The following POLE variants were observed in gnomAD, a reference collection of about 807,000 sequenced individuals.
POLE encodes the protein DNA polymerase epsilon, catalytic subunit, also known as DNA polymerase epsilon catalytic subunit A.
Under a neutral mutation model 279.2 loss-of-function variants are expected in POLE, and 188 were observed. The ratio of observed to expected loss-of-function variants is 0.67; its 90% CI spans 0.60 to 0.76. The LOEUF (loss-of-function observed/expected upper bound fraction) is 0.76, where lower values mean the gene tolerates loss of function less well. Among genes scored for constraint, POLE ranks in the 30% least tolerant of loss-of-function variants. The pLI, the probability that POLE is intolerant of heterozygous loss-of-function variation, is 0.00. For missense variants in POLE, 2,703 were observed against 3,016.7 expected (o/e 0.90, Z 2.44); for synonymous variants, 1,214 against 1,172.5 (o/e 1.04, Z -0.72).
chr12:132,648,875 A>G (rs774617238), intron 32 of POLE, 54 bp downstream of exon 32: 3 of 1,563,398 alleles, frequency 1.9e-6, no homozygotes, highest in Non-Finnish European at 2.6e-6. Flanking sequence ...GATCATGGGA[A>G]AGCCACCTCA....
rs767933490 is a variant in POLE at position 132,672,236 on chromosome 12, C to T, written c.1773G>A (p.Glu591=). 5.6e-6 allele frequency: 9 copies of T among 1,614,000 alleles called. No homozygotes were observed. The highest frequency in any genetic ancestry group is 1.7e-4 in the Middle Eastern group (1 of 6,060). ...ALEEEEKVPV[E]QVTNFEEVCD... ...TTACCTCTTCAAAGTTGGTGACTTG[C>T]TCCACAGGCACTTTCTCCTCTTCCT... The change falls in exon 16 of 49, where the codon GAG becomes GAA. Residue 591 remains glutamate (E), a synonymous_variant. Transcript: ENST00000320574.
rs1312176252 is a variant in POLE at position 132,658,818 on chromosome 12, C to CTTA, written c.3275+474_3275+476dup. ...TCCTCACACAGAAGTAAAGACAACC[C>CTTA]TTATTCTGGTGTTCATCAACCCCAT... is the stretch of plus-strand genomic sequence containing the variant. On this transcript the variant is annotated intron_variant, in intron 26 of 48. Transcript: ENST00000320574. 2.9e-5 allele frequency: 4 copies of CTTA among 140,182 alleles called. No individual in the cohort carries two copies. The East Asian group carries it at 8.9e-4, about 31-fold the overall frequency. 8.7% of individuals were successfully genotyped at this position (140,182 alleles called of 1,614,324 possible). A position where few individuals can be genotyped will look rare whatever the true frequency, so the allele number is the denominator to read the frequency against.
In POLE at chr12:132,642,138, C is replaced by T. The variant is rs5744951; in HGVS notation, c.5173+39G>A. The T allele has an allele frequency of 0.46, 665,251 of 1,448,900 alleles. 157,215 individuals are homozygous for T. Among genetic ancestry groups the T allele is most frequent in the East Asian group, 0.7 (30,477 of 43,684 alleles). The allele number at this position is 1,448,900 out of a possible 1,614,324, so 89.8% of individuals were successfully genotyped here. A position where few individuals can be genotyped will look rare whatever the true frequency, so the allele number is the denominator to read the frequency against. On this transcript the variant is annotated intron_variant, in intron 38 of 48. Coordinates refer to ENST00000320574, the MANE Select transcript of POLE (RefSeq NM_006231.4). ...AGATGTCACAGAATGGCAGAAACAC[C>T]AGCCAGGTCTCATGGGCCTCGTCCT...
At position 132,665,547 on chromosome 12, in the gene POLE, A is replaced by T. The variant is rs1023993227; in HGVS notation, c.2320-97T>A. 6.0e-5 allele frequency: 83 copies of T among 1,377,154 alleles called. No homozygotes were observed. In the South Asian group the frequency reaches 1.2e-3, roughly 19 times the overall value. 85.3% of individuals were successfully genotyped at this position (1,377,154 alleles called of 1,614,324 possible). ...GTTTTTAGTATTTTGAAAATTTTCA[A>T]ATCTATAGAAAACCTAAAAAACCAG... On this transcript the variant is annotated intron_variant, in intron 20 of 48. Coordinates refer to ENST00000320574, the MANE Select transcript of POLE (RefSeq NM_006231.4).
chr12:132,664,392 G>A lies in POLE; in HGVS notation c.2539C>T (p.Arg847Trp), dbSNP rs1428997822. The A allele has an allele frequency of 7.4e-6, 12 of 1,613,758 alleles. No homozygotes were observed. Among genetic ancestry groups the A allele is most frequent in the Non-Finnish European group, 9.3e-6 (11 of 1,179,928 alleles). The change falls in exon 22 of 49, where the codon CGG becomes TGG. Residue 847 changes from arginine to tryptophan, a missense_variant. This residue lies in a region of POLE where 21 missense variants were observed against 51.9 expected (regional missense o/e 0.40). Transcript: ENST00000320574. This position sits in a 1 kb window ranked among gnomAD's most constrained non-coding sequence, Gnocchi z 5.3. The stretch of plus-strand genomic sequence containing the variant: ...CACCCAATCTGCTCGATCAGCTCCC[G>A]TGCCTGGGTGATGATGTTGGCCCCT... ...FTGANIITQA[R>W]ELIEQIGRPL...
intron 26 of POLE, chr12:132,658,439 CGT>C (rs1301315961): frequency 1.2e-5 from 2 of 160,076 alleles, no homozygotes; most frequent in Non-Finnish European, 2.7e-5. Context: ...CAAAGACATG[CGT>C]GTGTGCGTAA....
chr12:132,659,729 G>C, intron 25 of POLE: 1 of 529,528 alleles, frequency 1.9e-6, no homozygotes, highest in South Asian at 2.1e-5. Flanking sequence ...GTCTCATTCT[G>C]TCACCCAGGC....
intron 43 of POLE, chr12:132,633,909 C>T (rs2041983827): frequency 5.5e-6 from 2 of 366,226 alleles, no homozygotes; most frequent in African/African-American, 2.1e-5. Flanking sequence ...AGCTAGGAAA[C>T]TCCTCAATGA....
At chr12:132,655,341 T>A (rs1304550668) in intron 29 of POLE, among the ~76,000 whole-genome samples, 1 of 152,132 alleles carries the variant, frequency 6.6e-6, no homozygotes, top group Non-Finnish European at 1.5e-5. Flanking sequence ...TTTCCAAACA[T>A]GGTCTGTATT....
rs565420825 is a variant in POLE, at chr12:132,639,237, C to A, written c.5440G>T (p.Ala1814Ser). Residue 1814 changes from alanine to serine, a missense_variant, in exon 40 of 49, where the codon GCA (alanine) becomes TCA (serine). Physicochemically the swap from Ala to Ser is moderately conservative, Grantham distance 99 (BLOSUM62 1). Transcript: ENST00000320574. This position sits in a 1 kb window ranked among gnomAD's most constrained non-coding sequence, Gnocchi z 4.7. The stretch of plus-strand genomic sequence containing the variant: ...TAGAAGTGCATCACCTGGTTGTCTG[C>A]ATAGATGTTGTGGTACTGGGTGATC... ...KEITQYHNIYADNQVMHFYRW... is the reference protein window; with the variant it reads ...KEITQYHNIYSDNQVMHFYRW... 2 of 1,614,152 alleles carry A rather than the reference C, an allele frequency of 1.2e-6. No homozygotes were observed. The highest frequency in any genetic ancestry group is 2.2e-5 in the East Asian group (1 of 44,880).
Position 132,680,158 on chromosome 12 carries a change from A to C in POLE, c.330+20T>G. On this transcript the variant is annotated intron_variant, in intron 4 of 48. Coordinates refer to ENST00000320574, the MANE Select transcript of POLE (RefSeq NM_006231.4). ...AATGACACACAGGTCGTCTGACCTG[A>C]GTCTATGAAACACACTCACCTTTCT... The C allele has an allele frequency of 6.2e-7, 1 of 1,612,276 alleles. No individual in the cohort carries two copies. The highest frequency in any genetic ancestry group is 8.5e-7 in the Non-Finnish European group (1 of 1,178,262).
rs781094608 is a variant in POLE, at chr12:132,649,849, C to T, written c.3623G>A (p.Ser1208Asn). The change falls in exon 30 of 49, where the codon AGT (serine) becomes AAT (asparagine). Residue 1208 changes from serine (S) to asparagine (N), a missense_variant. Ser to Asn is a conservative substitution (Grantham distance 46). Around this residue, in one of 5 missense-constraint regions of POLE, gnomAD observed 1,551 missense variants for 1,686.1 expected, o/e 0.92. Transcript: ENST00000320574. Reference protein sequence around the residue: ...AEASEDSPRPSAPDMEDFGLV... With the variant: ...AEASEDSPRPNAPDMEDFGLV... Reference sequence around the variant, plus strand: ...GCCGAAGTCCTCCATGTCAGGAGCACTTGGCCTCGGACTGTCTTCTGAGGC... The same window carrying T: ...GCCGAAGTCCTCCATGTCAGGAGCATTTGGCCTCGGACTGTCTTCTGAGGC... 1.7e-5 allele frequency: 28 copies of T among 1,614,044 alleles called. No individual in the cohort carries two copies. The highest frequency in any genetic ancestry group is 2.3e-5 in the Non-Finnish European group (27 of 1,180,048).
chr12:132,686,068 G>T (rs2043256126), intron 1 of POLE, among the ~76,000 whole-genome samples: 1 of 151,996 alleles, frequency 6.6e-6, no homozygotes, highest in Non-Finnish European at 1.5e-5. Context: ...GTGGAGACGG[G>T]ATTTCTCCAT....
At chr12:132,680,730 C>G in intron 2 of POLE, 43 bp from the exon 3 acceptor site, 1 of 1,469,436 alleles carries the variant, frequency 6.8e-7, no homozygotes. Context: ...CCATCCTCTA[C>G]ACAGTTAGAG....
At chr12:132,656,511 A>G (rs1181226786) in intron 29 of POLE, among the ~76,000 whole-genome samples, 1 of 151,682 alleles carries the variant, frequency 6.6e-6, no homozygotes, top group East Asian at 2.0e-4. Context: ...GGCGCCCACC[A>G]CTACGCCTGG....
At chr12:132,659,882 G>C (rs1340014547) in intron 25 of POLE, 4 of 228,106 alleles carry the variant, frequency 1.8e-5, no homozygotes, top group African/African-American at 6.9e-5. Context: ...AGTAGAGAAA[G>C]GGTTTTGCCA....
chr12:132,633,087 A>C, intron 43 of POLE: 2 of 243,860 alleles, frequency 8.2e-6, no homozygotes, highest in Non-Finnish European at 1.6e-5. Context: ...AGCTCCCAAC[A>C]CAAGCAAAGG....
chr12:132,658,098 T>C (rs2042587519), intron 26 of POLE, 128 bp from the exon 27 acceptor site: 19 of 659,918 alleles, frequency 2.9e-5, no homozygotes. Context: ...AATGTATACA[T>C]CTGCGTGCAT....
At chr12:132,653,619 C>T (rs4883611) in intron 29 of POLE, among the ~76,000 whole-genome samples, 104,251 of 152,102 alleles carry the variant, frequency 0.69, 36,915 homozygotes, top group African/African-American at 0.86. Context: ...AATTACATCG[C>T]CTGTAAATAA....
Sources: allele counts gnomAD v4.1 joint callset (sites outside exome capture counted in the v4.1 genomes callset), GRCh38; gene constraint gnomAD v4.1.1; regional missense constraint gnomAD v4.1.1; non-coding constraint Gnocchi (gnomAD v3.1); transcripts MANE v1.5; gene names NCBI Gene and HGNC (gene_info 2026-07-23, HGNC 2026-07-21).